Variants in ATP1A2 observed in about 807,000 individuals in gnomAD.
The protein encoded by ATP1A2 is ATPase Na+/K+ transporting subunit alpha 2.
Under a neutral mutation model 113.1 loss-of-function variants are expected in ATP1A2, and 56 were observed. The ratio of observed to expected loss-of-function variants is 0.49; its 90% CI spans 0.40 to 0.62. The LOEUF is 0.62. Among genes scored for constraint, ATP1A2 ranks in the 20% least tolerant of loss-of-function variants. The pLI is 0.00. For synonymous variants in ATP1A2, 490 were observed against 526.8 expected (o/e 0.93, Z 0.96); for missense variants, 712 against 1,357.8 (o/e 0.52, Z 7.47).
intron 11 of ATP1A2, 35 bp downstream of exon 11, chr1:160,129,435 G>A: frequency 2.5e-6 from 4 of 1,606,848 alleles, no homozygotes; most frequent in Non-Finnish European, 2.5e-6. Flanking sequence ...GGAAGAGAGA[G>A]GGATATAAAT....
In ATP1A2 at chr1:160,123,428, C is replaced by T. The variant is rs368856029; in HGVS notation, c.381+12C>T. On this transcript the variant is annotated intron_variant, in intron 4 of 22. Transcript: ENST00000361216. ...CATCCAACGACAATGTGAGCCCACA[C>T]GCCCGACCCGGGAACAGCCCGTGAC... 2.4e-5 allele frequency: 39 copies of T among 1,614,016 alleles called. No individual in the cohort carries two copies. The African/African-American group carries it at 3.3e-4, about 14-fold the overall frequency.
Position 160,135,655 on chromosome 1 carries a change from T to G in ATP1A2, c.2284+53T>G. Reference sequence around the variant, plus strand: ...TTTGCAGGATACTGAAGCCGGCACCTCTGTTCCCTGTCCCTTTACCCCAGT... The same window carrying G: ...TTTGCAGGATACTGAAGCCGGCACCGCTGTTCCCTGTCCCTTTACCCCAGT... On this transcript the variant is annotated intron_variant, in intron 16 of 22. Transcript: ENST00000361216. This position sits in a 1 kb window ranked among gnomAD's most constrained non-coding sequence, Gnocchi z 6.3. 1 of 1,612,324 alleles carries G rather than the reference T, an allele frequency of 6.2e-7. No individual in the cohort carries two copies.
rs139243866 is a variant in ATP1A2, at chr1:160,123,416, T to C, written c.381T>C (p.Asn127=). 28 of 1,614,104 alleles carry C rather than the reference T, an allele frequency of 1.7e-5. No homozygotes were observed. Among genetic ancestry groups the C allele is most frequent in the Admixed American group, 8.3e-5 (5 of 60,006 alleles). ...TGGAGGATGAACCATCCAACGACAA[T>C]GTGAGCCCACACGCCCGACCCGGGA... ...AAMEDEPSND[N]LYLGVVLAAV... Residue 127 remains asparagine, a splice_region_variant and synonymous_variant, in exon 4 of 23, where the codon AAT becomes AAC. Transcript: ENST00000361216.
intron 3 of ATP1A2, 148 bp from the exon 4 acceptor site, chr1:160,123,065 T>C (rs1651467014): frequency 2.3e-6 from 2 of 854,132 alleles, no homozygotes; most frequent in Non-Finnish European, 1.9e-6. Flanking sequence ...CTCCATGTGG[T>C]CTCTCCTGAT....
chr1:160,130,789 G>A (rs1172319579), intron 13 of ATP1A2, among the ~76,000 whole-genome samples, 192 bp downstream of exon 13: 1 of 152,222 alleles, frequency 6.6e-6, no homozygotes, highest in Non-Finnish European at 1.5e-5. Context: ...CTTTTGCTCA[G>A]AGAGGCCAGT....
chr1:160,142,032 AT>A lies in ATP1A2; in HGVS notation c.*714del, dbSNP rs1652169110. The A allele has an allele frequency of 6.5e-6, 1 of 153,664 alleles. No individual in the cohort carries two copies. The highest frequency in any genetic ancestry group is 1.4e-5 in the Non-Finnish European group (1 of 69,006). The allele number at this position is 153,664 out of a possible 1,614,324, so 9.5% of individuals were successfully genotyped here. On this transcript the variant is annotated 3_prime_UTR_variant, in exon 23 of 23. Transcript: ENST00000361216. ...CGTGGACTCCAGCTCTACGTCCCAC[AT>A]TTTAGAATACCCCACCAGCAGAACA...
At position 160,135,448 on chromosome 1, in the gene ATP1A2, C is replaced by A. The variant is rs374749325; in HGVS notation, c.2130C>A (p.Ala710=). ...CTTCCCTCCAGGGAGCCATTGTGGC[C>A]GTGACGGGTGACGGGGTGAACGACT... ...EGCQRQGAIV[A]VTGDGVNDSP... The change falls in exon 16 of 23, where the codon GCC becomes GCA. Residue 710 remains alanine, a synonymous_variant. Coordinates refer to ENST00000361216, the MANE Select transcript of ATP1A2 (RefSeq NM_000702.4). This position sits in a 1 kb window ranked among gnomAD's most constrained non-coding sequence, Gnocchi z 6.3. 1 of 1,614,148 alleles carries A rather than the reference C, an allele frequency of 6.2e-7. No individual in the cohort carries two copies. The highest frequency in any genetic ancestry group is 8.5e-7 in the Non-Finnish European group (1 of 1,180,032).
intron 8 of ATP1A2, 124 bp downstream of exon 8, chr1:160,127,944 G>A (rs1030348930): frequency 6.7e-5 from 88 of 1,307,194 alleles, no homozygotes; most frequent in Non-Finnish European, 7.6e-5. Context: ...TATTGGATGC[G>A]ATACTCAGAG....
intron 8 of ATP1A2, 32 bp downstream of exon 8, chr1:160,127,852 G>T (rs752578018): frequency 1.3e-6 from 2 of 1,559,850 alleles, no homozygotes; most frequent in Non-Finnish European, 1.7e-6. Flanking sequence ...GCCACCAGGG[G>T]AGGGTCTCAC....
Position 160,137,047 on chromosome 1 carries a change from C to T in ATP1A2, c.2840+16C>T. The T allele has an allele frequency of 6.2e-7, 1 of 1,613,854 alleles. No individual in the cohort carries two copies. Among genetic ancestry groups the T allele is most frequent in the South Asian group, 1.1e-5 (1 of 91,042 alleles). ...AGGGCATGAAGTGAGTGCCCACCCCCATGGCACCTACCCACCCAGGCTCTG... is the reference window on the plus strand; with the variant it reads ...AGGGCATGAAGTGAGTGCCCACCCCTATGGCACCTACCCACCCAGGCTCTG... On this transcript the variant is annotated intron_variant, in intron 20 of 22. Transcript: ENST00000361216.
intron 1 of ATP1A2, among the ~76,000 whole-genome samples, chr1:160,119,103 T>C (rs1003596593): frequency 2.6e-5 from 4 of 151,794 alleles, no homozygotes; most frequent in South Asian, 2.1e-4. Flanking sequence ...ATGCAGGGTG[T>C]TGATAGTGGG....
rs746744495 is a variant in ATP1A2, at chr1:160,130,291, G to A, written c.1651G>A (p.Gly551Arg). 1 of 1,614,164 alleles carries A rather than the reference G, an allele frequency of 6.2e-7. No individual in the cohort carries two copies. The highest frequency in any genetic ancestry group is 8.5e-7 in the Non-Finnish European group (1 of 1,180,024). ...GGGGGGACTTGGGGAGCGTGTGCTG[G>A]GTGAGAGGCCAGAAACAGGAGGCTC... ...ELGGLGERVL[G>R]FCQLNLPSGK... Residue 551 changes from glycine to arginine, a missense_variant and splice_region_variant, in exon 12 of 23, where the codon GGA becomes AGA. By Grantham distance (125) the Gly-to-Arg change is moderately radical. Around this residue, in one of 6 missense-constraint regions of ATP1A2, gnomAD observed 263 missense variants for 380.6 expected, o/e 0.69. Transcript: ENST00000361216.
At chr1:160,136,799 A>G (rs1651967785) in intron 19 of ATP1A2, 84 bp downstream of exon 19, 1 of 1,613,702 alleles carries the variant, frequency 6.2e-7, no homozygotes, top group Non-Finnish European at 8.5e-7. Context: ...GTGGTGGCCA[A>G]CTGGGACTGG....
intron 7 of ATP1A2, among the ~76,000 whole-genome samples, chr1:160,126,689 T>A (rs1444136633): frequency 1.3e-5 from 2 of 152,158 alleles, no homozygotes; most frequent in Non-Finnish European, 2.9e-5. Context: ...CAGGCTGGCC[T>A]CAAACTCCTG....
At chr1:160,140,053 C>T (rs1275814053) in intron 22 of ATP1A2, 69 bp downstream of exon 22, 15 of 1,457,464 alleles carry the variant, frequency 1.0e-5, no homozygotes, top group Non-Finnish European at 1.2e-5. Flanking sequence ...CAGGACCACA[C>T]GCAGACTCCA....
In ATP1A2 at chr1:160,143,099, A is replaced by G. The variant is rs906056704; in HGVS notation, c.*1777A>G. 1 of 152,330 alleles carries G rather than the reference A, an allele frequency of 6.6e-6. No homozygotes were observed. Among genetic ancestry groups the G allele is most frequent in the African/African-American group, 2.4e-5 (1 of 41,474 alleles). 9.4% of individuals were successfully genotyped at this position (152,330 alleles called of 1,614,324 possible). On this transcript the variant is annotated 3_prime_UTR_variant, in exon 23 of 23. Transcript: ENST00000361216. ...GACATCTGAGGAAAATGGAAGACCT[A>G]AGGCAGACAGGAAGGAAGCACAAAA... is the stretch of plus-strand genomic sequence containing the variant.
chr1:160,121,240 G>T lies in ATP1A2; in HGVS notation c.166G>T (p.Asp56Tyr). The change falls in exon 3 of 23, where the codon GAC becomes TAC. Residue 56 changes from aspartate (D) to tyrosine (Y), a missense_variant. Physicochemically the swap from Asp to Tyr is radical, Grantham distance 160. This residue lies in a region of ATP1A2 where 109 missense variants were observed against 162.3 expected (regional missense o/e 0.67). Coordinates refer to ENST00000361216, the MANE Select transcript of ATP1A2 (RefSeq NM_000702.4). ...LDELGRKYQV[D>Y]LSKGLTNQRA... The stretch of plus-strand genomic sequence containing the variant: ...TGAGCTGGGCCGCAAATACCAAGTG[G>T]ACCTGTCCAAGGTGAGTGGAGGGGC... 6.2e-7 allele frequency: 1 copy of T among 1,614,238 alleles called. No individual in the cohort carries two copies. The highest frequency in any genetic ancestry group is 1.1e-5 in the South Asian group (1 of 91,090).
At position 160,118,826 on chromosome 1, in the gene ATP1A2, T is replaced by A. The variant is rs373132075; in HGVS notation, c.13-2080T>A. On this transcript the variant is annotated intron_variant, in intron 1 of 22. Transcript: ENST00000361216. ...GACTTCTACCTCTCAAGATGCTGAA[T>A]TGGCGACCTCTTATGAACAAGGCAG... 2.5e-4 allele frequency among the ~76,000 whole-genome samples: 38 copies of A among 152,238 alleles called. 1 individual carries two copies. Among genetic ancestry groups the A allele is most frequent in the African/African-American group, 9.1e-4 (38 of 41,556 alleles).
intron 1 of ATP1A2, among the ~76,000 whole-genome samples, chr1:160,118,388 C>A (rs966079101): frequency 5.9e-5 from 9 of 152,106 alleles, no homozygotes; most frequent in African/African-American, 2.2e-4. Context: ...CCAGCCTGAT[C>A]TCTTGCCTCT....
Sources: gnomAD v4.1 joint callset for allele counts (sites outside exome capture counted in the v4.1 genomes callset) on GRCh38, gnomAD v4.1.1 for gene constraint, gnomAD v4.1.1 regional missense constraint, Gnocchi (gnomAD v3.1) non-coding constraint, MANE v1.5 for transcripts, NCBI Gene and HGNC (gene_info 2026-07-23, HGNC 2026-07-21) for gene names.